USP34: variants seen among roughly 807,000 people sequenced by gnomAD.
The protein encoded by USP34 is ubiquitin carboxyl-terminal hydrolase 34.
In USP34, 70 loss-of-function variants were observed where a neutral mutation model predicts 460.3. The ratio of observed to expected loss-of-function variants is 0.15; its 90% CI spans 0.13 to 0.19. USP34 has a LOEUF of 0.19. Among genes scored for constraint, USP34 ranks in the 10% least tolerant of loss-of-function variants. The pLI, the probability that USP34 is intolerant of heterozygous loss-of-function variation, is 1.00. For missense variants in USP34, 3,985 were observed against 4,236.2 expected (o/e 0.94, Z 1.65); for synonymous variants, 1,647 against 1,405.3 (o/e 1.17, Z -3.85).
intron 1 of USP34, among the ~76,000 whole-genome samples, chr2:61,466,732 C>T (rs550682858): frequency 3.3e-5 from 5 of 151,934 alleles, no homozygotes; most frequent in African/African-American, 9.6e-5. Context: ...GCCAACATGG[C>T]AAAATCCCAC....
intron 8 of USP34, among the ~76,000 whole-genome samples, chr2:61,374,963 C>A (rs1004103761): frequency 1.1e-4 from 17 of 152,136 alleles, no homozygotes; most frequent in Non-Finnish European, 1.2e-4. Flanking sequence ...ACCTAATAGA[C>A]ATCTATAGAA....
intron 51 of USP34, among the ~76,000 whole-genome samples, chr2:61,242,315 C>T (rs1465868002): frequency 1.3e-5 from 2 of 152,072 alleles, no homozygotes; most frequent in Admixed American, 6.6e-5. Context: ...AATTTTGAAC[C>T]TCAAAGTTGT....
At chr2:61,319,780 G>C (rs1432946039) in intron 21 of USP34, among the ~76,000 whole-genome samples, 5 of 152,132 alleles carry the variant, frequency 3.3e-5, no homozygotes, top group Admixed American at 2.6e-4. Flanking sequence ...GGGAGGTGAA[G>C]GTTGCAGTGA....
chr2:61,374,438 G>A (rs986973474), intron 8 of USP34, among the ~76,000 whole-genome samples: 3 of 152,040 alleles, frequency 2.0e-5, no homozygotes, highest in Non-Finnish European at 4.4e-5. Flanking sequence ...ATCAGTACTT[G>A]TGGCATTTTC....
chr2:61,418,667 T>A (rs1239648762), intron 2 of USP34, among the ~76,000 whole-genome samples: 5 of 152,164 alleles, frequency 3.3e-5, no homozygotes, highest in African/African-American at 1.2e-4. Flanking sequence ...TAGGCCACAA[T>A]ATTTTCTGAA....
chr2:61,377,929 A>G lies in USP34; in HGVS notation c.1076+434T>C, dbSNP rs530866167. ...CACAGTGGCTCACGCCTGTAATCCC[A>G]ACACTTTGGGAGACTGAGGCAAGTG... is the stretch of plus-strand genomic sequence containing the variant. On this transcript the variant is annotated intron_variant, in intron 8 of 79. Transcript: ENST00000398571. Among the ~76,000 whole-genome samples the G allele has an allele frequency of 3.9e-5, 6 of 152,372 alleles. No individual in the cohort carries two copies. In the South Asian group the frequency reaches 1.2e-3, roughly 32 times the overall value.
At chr2:61,260,981 A>C (rs1688861161) in intron 43 of USP34, among the ~76,000 whole-genome samples, 1 of 152,234 alleles carries the variant, frequency 6.6e-6, no homozygotes, top group Non-Finnish European at 1.5e-5. Flanking sequence ...AATTGTGTTC[A>C]CATCCATTAG....
intron 1 of USP34, among the ~76,000 whole-genome samples, chr2:61,426,396 A>C (rs889763253): frequency 4.6e-5 from 7 of 152,034 alleles, no homozygotes; most frequent in African/African-American, 1.7e-4. Flanking sequence ...CAGGTAACAG[A>C]GCGTTCATGA....
At chr2:61,465,946 C>A (rs1398075957) in intron 1 of USP34, among the ~76,000 whole-genome samples, 2 of 151,812 alleles carry the variant, frequency 1.3e-5, no homozygotes, top group Non-Finnish European at 2.9e-5. Context: ...CACTGCACTC[C>A]AGCCTGGGTG....
chr2:61,206,731 C>T (rs975898822), intron 71 of USP34, 29 bp downstream of exon 71: 3 of 1,607,576 alleles, frequency 1.9e-6, no homozygotes, highest in Non-Finnish European at 2.5e-6. Flanking sequence ...GTAGCACGAA[C>T]AAAACATAAG....
chr2:61,229,470 A>ACAAAC, intron 59 of USP34, 78 bp downstream of exon 59: 14 of 680,844 alleles, frequency 2.1e-5, no homozygotes, highest in Admixed American at 4.5e-5. Flanking sequence ...AAAAAAAAAA[A>ACAAAC]AAAAACAAAA....
rs983273784 is a variant in USP34 at position 61,187,713 on chromosome 2, G to T, written c.*389C>A. ...TTTGATAATAAGAACCACAGCGATC[G>T]GAGGCAATCTGCCTCTATAAGGTAC... On this transcript the variant is annotated 3_prime_UTR_variant, in exon 80 of 80. Coordinates refer to ENST00000398571, the MANE Select transcript of USP34 (RefSeq NM_014709.4). 1 of 449,576 alleles carries T rather than the reference G, an allele frequency of 2.2e-6. No individual in the cohort carries two copies. The highest frequency in any genetic ancestry group is 2.1e-5 in the African/African-American group (1 of 46,512). 27.8% of individuals were successfully genotyped at this position (449,576 alleles called of 1,614,324 possible).
At chr2:61,268,438 TAAAAAAAAA>T (rs35618230) in intron 41 of USP34, among the ~76,000 whole-genome samples, 16 of 53,416 alleles carry the variant, frequency 3.0e-4, no homozygotes, top group South Asian at 8.6e-4. Context: ...GAGCTGTTGT[TAAAAAAAAA>T]AAAAAAAAAA....
intron 41 of USP34, among the ~76,000 whole-genome samples, chr2:61,267,490 T>C (rs567814310): frequency 6.6e-6 from 1 of 151,620 alleles, no homozygotes; most frequent in Admixed American, 6.6e-5. Context: ...TCACCTGGGA[T>C]GGAATGCAGT....
rs553621995 is a variant in USP34, at chr2:61,293,635, A to C, written c.4462-85T>G. On this transcript the variant is annotated intron_variant, in intron 32 of 79. Coordinates refer to ENST00000398571, the MANE Select transcript of USP34 (RefSeq NM_014709.4). ...TGTTGATTCAGTAACTGGATATGTA[A>C]AATATTACGTATCTTTTATTTACAC... 5.5e-6 allele frequency: 5 copies of C among 916,890 alleles called. No homozygotes were observed. The East Asian group carries it at 1.0e-4, about 19-fold the overall frequency. 56.8% of individuals were successfully genotyped at this position (916,890 alleles called of 1,614,324 possible). A position where few individuals can be genotyped will look rare whatever the true frequency, so the allele number is the denominator to read the frequency against.
intron 48 of USP34, among the ~76,000 whole-genome samples, chr2:61,252,323 A>G (rs1688607462): frequency 6.6e-6 from 1 of 152,170 alleles, no homozygotes; most frequent in Non-Finnish European, 1.5e-5. Flanking sequence ...ACCCGATACT[A>G]TCTTTGAAAC....
chr2:61,387,348 C>T (rs1693178891), intron 5 of USP34, among the ~76,000 whole-genome samples: 1 of 151,268 alleles, frequency 6.6e-6, no homozygotes, highest in East Asian at 1.9e-4. Context: ...TCCTGCAATC[C>T]CAGCTACTTG....
At chr2:61,364,920 A>C (rs998885686) in intron 10 of USP34, among the ~76,000 whole-genome samples, 1 of 151,798 alleles carries the variant, frequency 6.6e-6, no homozygotes, top group Non-Finnish European at 1.5e-5. Flanking sequence ...ACAGAGCAAG[A>C]CTCTGTCTCA....
intron 1 of USP34, among the ~76,000 whole-genome samples, chr2:61,458,262 A>G (rs986302426): frequency 6.6e-6 from 1 of 152,136 alleles, no homozygotes; most frequent in African/African-American, 2.4e-5. Context: ...ACTTAAAAGC[A>G]TAAGAAGGTA....
Sources: allele counts gnomAD v4.1 joint callset (sites outside exome capture counted in the v4.1 genomes callset), GRCh38; gene constraint gnomAD v4.1.1; transcripts MANE v1.5; gene names NCBI Gene and HGNC (gene_info 2026-07-23, HGNC 2026-07-21).